Variants in CEP192 observed in about 807,000 individuals in gnomAD.
The protein encoded by CEP192 is centrosomal protein of 192 kDa.
Under a neutral mutation model 271.8 loss-of-function variants are expected in CEP192, and 151 were observed. The observed-to-expected ratio is 0.56, with a 90% CI of 0.49 to 0.64. The LOEUF (loss-of-function observed/expected upper bound fraction) is 0.64, where lower values mean the gene tolerates loss of function less well. Ranked by LOEUF, CEP192 falls within the 30% of genes least tolerant of loss-of-function variation. The pLI is 0.00. For synonymous variants in CEP192, 995 were observed against 1,076.5 expected (o/e 0.92, Z 1.48); for missense variants, 2,910 against 3,020.5 (o/e 0.96, Z 0.86).
chr18:13,018,043 A>G (rs2034761679), intron 7 of CEP192, among the ~76,000 whole-genome samples: 1 of 152,172 alleles, frequency 6.6e-6, no homozygotes, highest in Non-Finnish European at 1.5e-5. Context: ...ACGTTTTGGC[A>G]AGAATACAGA....
At chr18:13,028,861 G>T (rs2035457941) in intron 9 of CEP192, among the ~76,000 whole-genome samples, 1 of 152,140 alleles carries the variant, frequency 6.6e-6, no homozygotes, top group African/African-American at 2.4e-5. Context: ...AAAGCACCCA[G>T]TTAATAAATG....
intron 38 of CEP192, among the ~76,000 whole-genome samples, chr18:13,102,604 G>T (rs1004391664): frequency 1.3e-5 from 2 of 152,152 alleles, no homozygotes; most frequent in African/African-American, 4.8e-5. Flanking sequence ...TTTGTGTCTT[G>T]GTTGACTTGA....
Sources: gnomAD v4.1 joint callset for allele counts (sites outside exome capture counted in the v4.1 genomes callset) on GRCh38, gnomAD v4.1.1 for gene constraint, MANE v1.5 for transcripts, NCBI Gene and HGNC (gene_info 2026-07-23, HGNC 2026-07-21) for gene names.